The following GRID1 variants were observed in gnomAD, a reference collection of about 807,000 sequenced individuals.
The protein encoded by GRID1 is glutamate receptor ionotropic, delta-1.
Under a neutral mutation model 98.0 loss-of-function variants are expected in GRID1, and 28 were observed. The ratio of observed to expected loss-of-function variants is 0.29; its 90% confidence interval spans 0.21 to 0.39. The LOEUF is 0.39. Ranked by LOEUF, GRID1 falls within the 10% of genes least tolerant of loss-of-function variation. The probability of loss-of-function intolerance (pLI) is 1.00; values close to 1 mark genes in which losing one functional copy is unlikely to be tolerated. For synonymous variants in GRID1, 553 were observed against 538.5 expected (o/e 1.03, Z -0.37); for missense variants, 1,111 against 1,340.5 (o/e 0.83, Z 2.67).
chr10:85,892,536 T>A (rs1841217837), intron 5 of GRID1, among the ~76,000 whole-genome samples: 1 of 151,408 alleles, frequency 6.6e-6, no homozygotes, highest in Non-Finnish European at 1.5e-5. Flanking sequence ...ATACATCTTT[T>A]AAGTATGAAA....
chr10:85,887,744 G>A (rs1375919435), intron 5 of GRID1, among the ~76,000 whole-genome samples: 4 of 152,168 alleles, frequency 2.6e-5, no homozygotes, highest in Non-Finnish European at 5.9e-5. Flanking sequence ...ATTTATAAAT[G>A]GAATAATAGT....
At position 86,055,692 on chromosome 10, in the gene GRID1, G is replaced by A. The variant is rs540448407; in HGVS notation, c.726+83127C>T. 2.2e-4 allele frequency among the ~76,000 whole-genome samples: 33 copies of A among 152,278 alleles called. 1 individual carries two copies. In the South Asian group the frequency reaches 6.2e-3, roughly 29 times the overall value. On this transcript the variant is annotated intron_variant, in intron 4 of 15. Transcript: ENST00000327946. ...CAGGAGGCGGAGGTTGCAGTGAGCC[G>A]AGATTGTGCCACTGCACTCCAGCCT...
chr10:86,127,114 G>A (rs1001300443), intron 4 of GRID1, among the ~76,000 whole-genome samples: 3 of 152,308 alleles, frequency 2.0e-5, no homozygotes, highest in Admixed American at 6.5e-5. Context: ...GCAGCTATGC[G>A]GCCCCCTTCC....
At chr10:86,204,551 G>A (rs1386298899) in intron 3 of GRID1, among the ~76,000 whole-genome samples, 1 of 152,196 alleles carries the variant, frequency 6.6e-6, no homozygotes, top group East Asian at 1.9e-4. Flanking sequence ...AGAAGAGTGA[G>A]GGTAAGGAGG....
At position 86,189,539 on chromosome 10, in the gene GRID1, C is replaced by G. The variant is rs1468316366; in HGVS notation, c.520+16825G>C. Among the ~76,000 whole-genome samples the G allele has an allele frequency of 2.0e-5, 3 of 152,112 alleles. No individual in the cohort carries two copies. In the East Asian group the frequency reaches 5.8e-4, roughly 29 times the overall value. ...CACACACACACACATCACATGCACACATTTCCACTCTATTCCACAAACTGC... is the reference window on the plus strand; with the variant it reads ...CACACACACACACATCACATGCACAGATTTCCACTCTATTCCACAAACTGC... On this transcript the variant is annotated intron_variant, in intron 3 of 15. Transcript: ENST00000327946.
chr10:85,756,074 C>A (rs1294108238), intron 8 of GRID1, among the ~76,000 whole-genome samples: 1 of 151,036 alleles, frequency 6.6e-6, no homozygotes, highest in Non-Finnish European at 1.5e-5. Flanking sequence ...GTTCCAATAC[C>A]CCCCCTAGTG....
chr10:86,225,048 C>A (rs1846318392), intron 2 of GRID1, among the ~76,000 whole-genome samples: 1 of 152,226 alleles, frequency 6.6e-6, no homozygotes, highest in Admixed American at 6.5e-5. Context: ...AGATCAAGCC[C>A]AGGTGCAGAG....
At chr10:85,678,235 G>T (rs1270712131) in intron 12 of GRID1, among the ~76,000 whole-genome samples, 2 of 152,132 alleles carry the variant, frequency 1.3e-5, no homozygotes, top group South Asian at 2.1e-4. Context: ...TCACCTTCCT[G>T]CTCGACAAGG....
chr10:85,845,787 A>C (rs1195006361), intron 8 of GRID1, among the ~76,000 whole-genome samples: 1 of 152,216 alleles, frequency 6.6e-6, no homozygotes, highest in Non-Finnish European at 1.5e-5. Flanking sequence ...TGTAAAACCC[A>C]ATAATGAATT....
intron 13 of GRID1, among the ~76,000 whole-genome samples, chr10:85,638,096 G>A (rs1348224627): frequency 6.8e-6 from 1 of 146,108 alleles, no homozygotes; most frequent in Non-Finnish European, 1.5e-5. Context: ...GCTAGAAGAG[G>A]TAAGATAAAA....
chr10:86,050,959 A>G lies in GRID1; in HGVS notation c.726+87860T>C, dbSNP rs931185102. Among the ~76,000 whole-genome samples, 3 of 151,586 alleles carry G rather than the reference A, an allele frequency of 2.0e-5. No homozygotes were observed. In the South Asian group the frequency reaches 6.2e-4, roughly 31 times the overall value. On this transcript the variant is annotated intron_variant, in intron 4 of 15. Coordinates refer to ENST00000327946, the MANE Select transcript of GRID1 (RefSeq NM_017551.3). ...ACCTAATCAGACCAAGTATTAAAATATACATATTATTGGGAGGCTGAGGCC... is the reference window on the plus strand; with the variant it reads ...ACCTAATCAGACCAAGTATTAAAATGTACATATTATTGGGAGGCTGAGGCC...
At chr10:86,202,794 G>A (rs1336464858) in intron 3 of GRID1, among the ~76,000 whole-genome samples, 1 of 152,198 alleles carries the variant, frequency 6.6e-6, no homozygotes, top group Non-Finnish European at 1.5e-5. Flanking sequence ...AAGGGAGGCT[G>A]ATGGGCAAAT....
intron 2 of GRID1, among the ~76,000 whole-genome samples, chr10:86,221,750 T>G (rs1846257283): frequency 6.6e-6 from 1 of 152,160 alleles, no homozygotes; most frequent in South Asian, 2.1e-4. Flanking sequence ...AGTCTTTGGA[T>G]GATCAGCTGA....
In GRID1 at chr10:86,206,216, T is replaced by C. The variant is rs1412563732; in HGVS notation, c.520+148A>G. 9 of 648,564 alleles carry C rather than the reference T, an allele frequency of 1.4e-5. No homozygotes were observed. The highest frequency in any genetic ancestry group is 2.3e-5 in the Non-Finnish European group (9 of 386,870). The allele number at this position is 648,564 out of a possible 1,614,324, so 40.2% of individuals were successfully genotyped here. A position where few individuals can be genotyped will look rare whatever the true frequency, so the allele number is the denominator to read the frequency against. Reference sequence around the variant, plus strand: ...TGTTGTTGCAGCTCTTCCTGACTCATGAAGCTCGAGGTTTGACCCTATCAC... The same window carrying C: ...TGTTGTTGCAGCTCTTCCTGACTCACGAAGCTCGAGGTTTGACCCTATCAC... On this transcript the variant is annotated intron_variant, in intron 3 of 15. Coordinates refer to ENST00000327946, the MANE Select transcript of GRID1 (RefSeq NM_017551.3). This position sits in a 1 kb window ranked among gnomAD's most constrained non-coding sequence, Gnocchi z 4.1.
At chr10:85,876,248 G>A (rs1035656977) in intron 5 of GRID1, among the ~76,000 whole-genome samples, 1 of 105,728 alleles carries the variant, frequency 9.5e-6, no homozygotes, top group Non-Finnish European at 2.1e-5. Context: ...TCTCGGTGGT[G>A]GCCAGGATGC....
At chr10:86,161,079 C>A (rs1845315096) in intron 3 of GRID1, among the ~76,000 whole-genome samples, 1 of 152,208 alleles carries the variant, frequency 6.6e-6, no homozygotes, top group South Asian at 2.1e-4. Flanking sequence ...AGGCCTCCCA[C>A]CTCTCAGCTG....
At chr10:85,846,124 A>G (rs192527947) in intron 8 of GRID1, among the ~76,000 whole-genome samples, 81 of 152,360 alleles carry the variant, frequency 5.3e-4, no homozygotes, top group African/African-American at 1.7e-3. Flanking sequence ...TTCAGTTTAT[A>G]TTAGTAAAAC....
intron 6 of GRID1, among the ~76,000 whole-genome samples, chr10:85,867,692 C>T (rs1395432975): frequency 2.0e-5 from 3 of 152,218 alleles, no homozygotes; most frequent in African/African-American, 7.2e-5. Flanking sequence ...GCTCTTGAGT[C>T]CATGAGTGAT....
intron 13 of GRID1, among the ~76,000 whole-genome samples, chr10:85,642,395 A>G (rs1482829325): frequency 6.6e-6 from 1 of 152,164 alleles, no homozygotes; most frequent in Non-Finnish European, 1.5e-5. Flanking sequence ...GACCAGGAAA[A>G]TCTTCTCCCT....
Sources: gnomAD v4.1 joint callset for allele counts (sites outside exome capture counted in the v4.1 genomes callset) on GRCh38, gnomAD v4.1.1 for gene constraint, Gnocchi (gnomAD v3.1) non-coding constraint, MANE v1.5 for transcripts, NCBI Gene and HGNC (gene_info 2026-07-23, HGNC 2026-07-21) for gene names.